PPFIBP2: variants seen among roughly 807,000 people sequenced by gnomAD.
The protein encoded by PPFIBP2 is PPFIB scaffold protein 2, also known as liprin-beta-2.
In PPFIBP2, 118 loss-of-function variants were observed where a neutral mutation model predicts 118.3. The ratio of observed to expected loss-of-function variants is 1.00; its 90% CI spans 0.86 to 1.16. The LOEUF (loss-of-function observed/expected upper bound fraction) is 1.16, where lower values mean the gene tolerates loss of function less well. Among genes scored for constraint, PPFIBP2 ranks in the 50% most tolerant of loss-of-function variants. The pLI is 0.00. For missense variants in PPFIBP2, 1,195 were observed against 1,073.1 expected, an observed-to-expected ratio of 1.11 and a Z score of -1.59; for synonymous variants, 414 against 397.4, an observed-to-expected ratio of 1.04 and a Z score of -0.50.
chr11:7,635,638 T>C (rs1490679128), intron 14 of PPFIBP2, 45 bp downstream of exon 14: 2 of 1,546,962 alleles, frequency 1.3e-6, no homozygotes, highest in Admixed American at 1.7e-5. Flanking sequence ...GTTACACTGT[T>C]TGCTAGTATT....
In PPFIBP2 at chr11:7,645,829, G is replaced by A. The variant is rs1796390727; in HGVS notation, c.1647-2558G>A. ...TGAAATGTTAGGTTCACAAAGACTA[G>A]GCAAAAAATAAAAGTTAAAAAATTT... On this transcript the variant is annotated intron_variant, in intron 17 of 23. Coordinates refer to ENST00000299492, the MANE Select transcript of PPFIBP2 (RefSeq NM_003621.5). Among the ~76,000 whole-genome samples the A allele has an allele frequency of 2.0e-5, 3 of 152,078 alleles. No homozygotes were observed. In the South Asian group the frequency reaches 6.2e-4, roughly 32 times the overall value.
intron 6 of PPFIBP2, chr11:7,617,003 T>C: frequency 6.3e-6 from 3 of 479,042 alleles, no homozygotes; most frequent in South Asian, 1.8e-4. Context: ...GAGTGCCACC[T>C]GCTCCCTGCC....
chr11:7,663,698 T>C, the PPFIBP2 span, among the ~76,000 whole-genome samples: 1 of 152,232 alleles, frequency 6.6e-6, no homozygotes, highest in African/African-American at 2.4e-5. Context: ...TCCCGGCTGC[T>C]TTGTTTACCT....
At chr11:7,621,119 T>C in intron 7 of PPFIBP2, 92 bp downstream of exon 7, 3 of 991,868 alleles carry the variant, frequency 3.0e-6, no homozygotes, top group Non-Finnish European at 4.7e-6. Flanking sequence ...TAGCCTAAGT[T>C]TGAAAATGCA....
chr11:7,599,716 C>T (rs919617456), intron 5 of PPFIBP2, among the ~76,000 whole-genome samples: 18 of 151,372 alleles, frequency 1.2e-4, no homozygotes, highest in South Asian at 2.1e-4. Context: ...CTGCAACCTC[C>T]GCCTCCTGGG....
At chr11:7,621,289 G>A (rs1849323304) in intron 7 of PPFIBP2, among the ~76,000 whole-genome samples, 1 of 152,152 alleles carries the variant, frequency 6.6e-6, no homozygotes, top group Admixed American at 6.5e-5. Flanking sequence ...GCACCTGGCT[G>A]AAGCTGGGCC....
intron 5 of PPFIBP2, among the ~76,000 whole-genome samples, chr11:7,605,477 A>G (rs951391353): frequency 1.3e-5 from 2 of 152,218 alleles, no homozygotes; most frequent in Admixed American, 1.3e-4. Flanking sequence ...GATAGCACAA[A>G]TTTGTACAGA....
At position 7,597,618 on chromosome 11, in the gene PPFIBP2, T is replaced by C. The variant is rs746854213; in HGVS notation, c.431T>C (p.Val144Ala). The C allele has an allele frequency of 1.2e-6, 2 of 1,613,930 alleles. No individual in the cohort carries two copies. The highest frequency in any genetic ancestry group is 1.3e-5 in the African/African-American group (1 of 74,902). Residue 144 changes from valine (V) to alanine (A), a missense_variant, in exon 5 of 24, where the codon GTG becomes GCG. Coordinates refer to ENST00000299492, the MANE Select transcript of PPFIBP2 (RefSeq NM_003621.5). Reference sequence around the variant, plus strand: ...GGAGAAAAGATTCGAGACCTGGAAGTGTGTCTGGAAGGACACCAGGTGAAA... The same window carrying C: ...GGAGAAAAGATTCGAGACCTGGAAGCGTGTCTGGAAGGACACCAGGTGAAA... ...AQGEKIRDLE[V>A]CLEGHQVKLN... is the part of the protein sequence containing the mutation.
At chr11:7,590,053 G>A (rs887729647) in intron 3 of PPFIBP2, among the ~76,000 whole-genome samples, 2 of 152,170 alleles carry the variant, frequency 1.3e-5, no homozygotes, top group African/African-American at 2.4e-5. Flanking sequence ...TGAACCTGTT[G>A]CCAGGTTATA....
In PPFIBP2 at chr11:7,630,964, C is replaced by T. The variant is rs200515190; in HGVS notation, c.1004C>T (p.Pro335Leu). Residue 335 changes from proline (P) to leucine (L), a missense_variant, in exon 11 of 24, where the codon CCG (proline) becomes CTG (leucine). By Grantham distance (98) the Pro-to-Leu change is moderately conservative (BLOSUM62 -3). Transcript: ENST00000299492. ...ERTLSINEEE[P>L]EGGFSKWNAT... ...ACTCTCTCAATCAATGAAGAAGAAC[C>T]GGAGGGAGGTTTCAGCAAGTGGAAC... 416 of 1,613,920 alleles carry T rather than the reference C, an allele frequency of 2.6e-4. No homozygotes were observed. The highest frequency in any genetic ancestry group is 3.2e-4 in the Non-Finnish European group (378 of 1,179,974).
intron 8 of PPFIBP2, among the ~76,000 whole-genome samples, chr11:7,626,613 G>A (rs925975871): frequency 7.9e-5 from 12 of 152,232 alleles, no homozygotes; most frequent in African/African-American, 2.9e-4. Flanking sequence ...ATAAGTGAAA[G>A]GATGGTGAAT....
downstream of PPFIBP2, among the ~76,000 whole-genome samples, chr11:7,655,807 C>G (rs1450154706): frequency 1.3e-5 from 2 of 151,854 alleles, no homozygotes; most frequent in Admixed American, 6.6e-5. Context: ...AACCAAGATG[C>G]TCAGCAACTC....
At chr11:7,552,010 G>A (rs1333308392) in intron 2 of PPFIBP2, among the ~76,000 whole-genome samples, 1 of 152,136 alleles carries the variant, frequency 6.6e-6, no homozygotes, top group Admixed American at 6.5e-5. Flanking sequence ...CATTTCCTTA[G>A]TCCTCCATCT....
intron 5 of PPFIBP2, among the ~76,000 whole-genome samples, chr11:7,607,812 A>C (rs1446671491): frequency 6.6e-6 from 1 of 152,188 alleles, no homozygotes; most frequent in African/African-American, 2.4e-5. Context: ...TAGATTTTCT[A>C]CTAACTCTGA....
chr11:7,621,161 G>T, intron 7 of PPFIBP2, 134 bp downstream of exon 7: 1 of 661,418 alleles, frequency 1.5e-6, no homozygotes, highest in Non-Finnish European at 2.7e-6. Flanking sequence ...ACACAGCAGT[G>T]CCCAGATGGT....
At chr11:7,577,269 C>T in intron 3 of PPFIBP2, 1 of 193,078 alleles carries the variant, frequency 5.2e-6, no homozygotes, top group Non-Finnish European at 1.1e-5. Context: ...CATTTGATTT[C>T]TCCGCAGGGC....
intron 5 of PPFIBP2, chr11:7,605,748 A>C: frequency 2.2e-6 from 3 of 1,352,834 alleles, no homozygotes; most frequent in Non-Finnish European, 2.8e-6. Context: ...AAGAAATTAG[A>C]GGTTGAGTGA....
chr11:7,536,643 C>T (rs1851250206), intron 1 of PPFIBP2, among the ~76,000 whole-genome samples: 1 of 152,044 alleles, frequency 6.6e-6, no homozygotes, highest in Non-Finnish European at 1.5e-5. Flanking sequence ...GGGAGTCTGA[C>T]ACGAAGAAAC....
intron 3 of PPFIBP2, among the ~76,000 whole-genome samples, chr11:7,588,008 G>A (rs1422859801): frequency 6.6e-6 from 1 of 152,108 alleles, no homozygotes; most frequent in East Asian, 1.9e-4. Context: ...TCTAGGGTTC[G>A]CCACAATTCA....
Sources: allele counts gnomAD v4.1 joint callset (sites outside exome capture counted in the v4.1 genomes callset), GRCh38; gene constraint gnomAD v4.1.1; transcripts MANE v1.5; gene names NCBI Gene and HGNC (gene_info 2026-07-23, HGNC 2026-07-21).